The following PLP1 variants were observed in gnomAD, a reference collection of about 807,000 sequenced individuals.
The protein encoded by PLP1 is proteolipid protein 1.
Under a neutral mutation model 18.5 loss-of-function variants are expected in PLP1, and 2 were observed. That is an observed-to-expected ratio of 0.11 (90% confidence interval 0.04 to 0.34). PLP1 has a LOEUF of 0.34. Among genes scored for constraint, PLP1 ranks in the 10% least tolerant of loss-of-function variants. The probability of loss-of-function intolerance (pLI) is 1.00; values close to 1 mark genes in which losing one functional copy is unlikely to be tolerated. For missense variants in PLP1, 105 were observed against 207.3 expected (o/e 0.51, Z 3.03); for synonymous variants, 86 against 83.2 (o/e 1.03, Z -0.19).
intron 1 of PLP1, among the ~76,000 whole-genome samples, chrX:103,783,837 C>T (rs1569426840): frequency 8.9e-6 from 1 of 111,953 alleles, no homozygotes; most frequent in East Asian, 2.8e-4. Context: ...GCTGTCACAA[C>T]CTGCTTATTC....
At chrX:103,786,426 T>C in intron 2 of PLP1, 39 bp from the exon 3 acceptor site, 9 of 1,191,552 alleles carry the variant, frequency 7.6e-6, no homozygotes, top group Non-Finnish European at 1.0e-5. Context: ...CTTCAATTAA[T>C]AAGATTCCCT....
intron 2 of PLP1, 127 bp downstream of exon 2, chrX:103,785,895 C>T: frequency 2.7e-6 from 2 of 748,563 alleles, no homozygotes; most frequent in Non-Finnish European, 4.1e-6. Flanking sequence ...ATTCCCGAGT[C>T]TTCCCTCTGT....
chrX:103,788,560 A>C, intron 5 of PLP1, 50 bp downstream of exon 5: 1 of 906,487 alleles, frequency 1.1e-6, no homozygotes, highest in Non-Finnish European at 1.6e-6. Context: ...AATACCATAC[A>C]AATTACACCC....
At chrX:103,777,139 A>G (rs2074417232) in intron 1 of PLP1, 140 bp downstream of exon 1, 1 of 546,455 alleles carries the variant, frequency 1.8e-6, no homozygotes, top group Non-Finnish European at 3.2e-6. Context: ...ATTCCTTAAC[A>G]TTCAGTTAGA....
intron 3 of PLP1, chrX:103,787,093 C>T (rs770399715): frequency 5.4e-4 from 124 of 228,782 alleles, no homozygotes; most frequent in Admixed American, 3.2e-4. Context: ...GTGATTGAGA[C>T]TTGGGCACCT....
chrX:103,789,778 G>A (rs757682626), intron 6 of PLP1, among the ~76,000 whole-genome samples: 1 of 111,829 alleles, frequency 8.9e-6, no homozygotes, highest in African/African-American at 3.2e-5. Flanking sequence ...ACTTGCTATA[G>A]CCTGGAATTC....
chrX:103,786,301 AAAGAT>A lies in PLP1; in HGVS notation c.192-160_192-156del. 2.8e-6 allele frequency: 3 copies of A among 1,090,369 alleles called. No homozygotes were observed. The Admixed American group carries it at 6.6e-5, about 24-fold the overall frequency. 89.9% of individuals were successfully genotyped at this position (1,090,369 alleles called of 1,213,427 possible). On this transcript the variant is annotated intron_variant, in intron 2 of 6. Coordinates refer to ENST00000621218, the MANE Select transcript of PLP1 (RefSeq NM_000533.5). ...ACACCCTGTCTTCACTTATTTCAAC[AAAGAT>A]AAGGTGAAAGCATGCAGGAGGAACC... is the stretch of plus-strand genomic sequence containing the variant.
chrX:103,786,373 C>G, intron 2 of PLP1, 92 bp from the exon 3 acceptor site: 2 of 1,065,758 alleles, frequency 1.9e-6, no homozygotes, highest in Non-Finnish European at 2.6e-6. Context: ...TTAAGGTGCT[C>G]GCTCTGGTGT....
chrX:103,790,996 G>A lies in PLP1; in HGVS notation c.*398G>A. 1 of 211,979 alleles carries A rather than the reference G, an allele frequency of 4.7e-6. No individual in the cohort carries two copies. The highest frequency in any genetic ancestry group is 8.6e-6 in the Non-Finnish European group (1 of 116,204). The allele number at this position is 211,979 out of a possible 1,213,427, so 17.5% of individuals were successfully genotyped here. ...AGATGCTCAGGTACAGAGAAGGAAT[G>A]TCTTTGGTCCTCTTGCCATCTATAG... On this transcript the variant is annotated 3_prime_UTR_variant, in exon 7 of 7. Transcript: ENST00000621218.
At chrX:103,788,857 G>A in intron 5 of PLP1, 1 of 295,825 alleles carries the variant, frequency 3.4e-6, no homozygotes, top group Non-Finnish European at 5.9e-6. Flanking sequence ...GTGCACAGAG[G>A]CATTCATAGG....
In PLP1 at chrX:103,790,484, T is replaced by C. The variant is rs770645902; in HGVS notation, c.763-43T>C. The C allele has an allele frequency of 1.0e-4, 99 of 982,238 alleles. 1 individual carries two copies. The South Asian group carries it at 1.7e-3, about 17-fold the overall frequency. 80.9% of individuals were successfully genotyped at this position (982,238 alleles called of 1,213,427 possible). A position where few individuals can be genotyped will look rare whatever the true frequency, so the allele number is the denominator to read the frequency against. ...AAAGGGATTTGAGGAGGGAGTGCTTTCTTTTCTACTCTCATTCACATTCTC... is the reference window on the plus strand; with the variant it reads ...AAAGGGATTTGAGGAGGGAGTGCTTCCTTTTCTACTCTCATTCACATTCTC... On this transcript the variant is annotated intron_variant, in intron 6 of 6. Coordinates refer to ENST00000621218, the MANE Select transcript of PLP1 (RefSeq NM_000533.5).
In PLP1 at chrX:103,791,549, A is replaced by G. The variant is rs1022705866; in HGVS notation, c.*951A>G. On this transcript the variant is annotated 3_prime_UTR_variant, in exon 7 of 7. Coordinates refer to ENST00000621218, the MANE Select transcript of PLP1 (RefSeq NM_000533.5). Reference sequence around the variant, plus strand: ...TAGCATGTCTTTTTTTCTGTTAATTAGTTGTGTACTCTGGCCTCTGTCATA... The same window carrying G: ...TAGCATGTCTTTTTTTCTGTTAATTGGTTGTGTACTCTGGCCTCTGTCATA... The G allele has an allele frequency of 8.9e-6, 1 of 112,299 alleles. No individual in the cohort carries two copies. The highest frequency in any genetic ancestry group is 1.9e-5 in the Non-Finnish European group (1 of 53,198). The allele number at this position is 112,299 out of a possible 1,213,427, so 9.3% of individuals were successfully genotyped here.
intron 4 of PLP1, 51 bp from the exon 5 acceptor site, chrX:103,788,386 G>A (rs757690406): frequency 1.1e-6 from 1 of 898,364 alleles, no homozygotes; most frequent in East Asian, 3.1e-5. Context: ...TCTCCATGTG[G>A]CCCCGTAACT....
chrX:103,776,941 C>T lies in PLP1; in HGVS notation c.-55C>T. On this transcript the variant is annotated 5_prime_UTR_variant, in exon 1 of 7. Transcript: ENST00000621218. ...CAGGATCCTTCCAGCTGAACAAAGTCAGCCACAAAGCAGACTAGCCAGCCG... is the reference window on the plus strand; with the variant it reads ...CAGGATCCTTCCAGCTGAACAAAGTTAGCCACAAAGCAGACTAGCCAGCCG... The T allele has an allele frequency of 8.6e-7, 1 of 1,163,124 alleles. No homozygotes were observed. Among genetic ancestry groups the T allele is most frequent in the Admixed American group, 2.2e-5 (1 of 45,893 alleles).
At chrX:103,783,652 C>A (rs1415521129) in intron 1 of PLP1, among the ~76,000 whole-genome samples, 2 of 111,940 alleles carry the variant, frequency 1.8e-5, no homozygotes, top group Non-Finnish European at 3.8e-5. Flanking sequence ...CCATGTAAAT[C>A]ACTAGGTATT....
At chrX:103,786,862 C>A in intron 3 of PLP1, 136 bp downstream of exon 3, 1 of 674,821 alleles carries the variant, frequency 1.5e-6, no homozygotes, top group Non-Finnish European at 2.4e-6. Context: ...TGGCTGCAGC[C>A]GAACGAGAAG....
Position 103,783,480 on chromosome X carries a change from AC to A in PLP1, c.5-2101del, listed in dbSNP as rs375460973. Among the ~76,000 whole-genome samples the A allele has an allele frequency of 5.5e-3, 620 of 111,967 alleles. 4 individuals carry two copies. The highest frequency in any genetic ancestry group is 0.019 in the African/African-American group (575 of 30,835). On this transcript the variant is annotated intron_variant, in intron 1 of 6. Coordinates refer to ENST00000621218, the MANE Select transcript of PLP1 (RefSeq NM_000533.5). ...TTCTGAGGCTCATCTTTGGTGTGAC[AC>A]TCTTTGAAGGCCAAGAAAGGGCTGT...
chrX:103,784,917 T>A (rs529807126), intron 1 of PLP1, among the ~76,000 whole-genome samples: 10 of 112,325 alleles, frequency 8.9e-5, no homozygotes, highest in African/African-American at 3.2e-4. Context: ...AGTTGATGAA[T>A]GACTAAAATA....
chrX:103,777,061 TC>T, intron 1 of PLP1, 62 bp downstream of exon 1: 1 of 1,054,580 alleles, frequency 9.5e-7, no homozygotes, highest in Non-Finnish European at 1.3e-6. Flanking sequence ...CAAGAGAATT[TC>T]CAACTTTGGG....
Sources: gnomAD v4.1 joint callset for allele counts (sites outside exome capture counted in the v4.1 genomes callset) on GRCh38, gnomAD v4.1.1 for gene constraint, MANE v1.5 for transcripts, NCBI Gene and HGNC (gene_info 2026-07-23, HGNC 2026-07-21) for gene names.